BICD2: variants seen among roughly 807,000 people sequenced by gnomAD.
The protein encoded by BICD2 is protein bicaudal D homolog 2.
A neutral mutation model predicts 72.9 loss-of-function variants in BICD2; 25 were observed. That is an observed-to-expected ratio of 0.34 (90% CI 0.25 to 0.48). The LOEUF (loss-of-function observed/expected upper bound fraction) is 0.48, where lower values mean the gene tolerates loss of function less well. BICD2 is among the 20% of genes least tolerant of loss of function. The pLI is 0.99. For synonymous variants in BICD2, 501 were observed against 516.1 expected, an observed-to-expected ratio of 0.97 and a Z score of 0.40; for missense variants, 894 against 1,175.2, an observed-to-expected ratio of 0.76 and a Z score of 3.50.
chr9:92,747,867 G>A (rs941324384), intron 1 of BICD2, among the ~76,000 whole-genome samples: 2 of 152,212 alleles, frequency 1.3e-5, no homozygotes, highest in African/African-American at 4.8e-5. Flanking sequence ...ATGAATGGAA[G>A]ACAGACAGGG....
intron 6 of BICD2, among the ~76,000 whole-genome samples, chr9:92,716,249 C>T (rs1308600468): frequency 6.6e-6 from 1 of 152,208 alleles, no homozygotes; most frequent in Non-Finnish European, 1.5e-5. Context: ...AAGGACTCTG[C>T]TGCCCACCCT....
Position 92,718,809 on chromosome 9 carries a change from T to G in BICD2, c.1836A>C (p.Ser612=). The G allele has an allele frequency of 6.2e-7, 1 of 1,613,380 alleles. No homozygotes were observed. Among genetic ancestry groups the G allele is most frequent in the South Asian group, 1.1e-5 (1 of 91,082 alleles). ...TGDSSPSPGS[S]LPSPLSDPRR... is the part of the protein sequence containing the mutation. Reference sequence around the variant, plus strand: ...GTGGGTCACTCAGGGGTGATGGCAGTGAGGAGCCAGGCGAGGGGCTGCTGT... The same window carrying G: ...GTGGGTCACTCAGGGGTGATGGCAGGGAGGAGCCAGGCGAGGGGCTGCTGT... Residue 612 remains serine (S), a synonymous_variant, in exon 5 of 7, where the codon TCA becomes TCC. Transcript: ENST00000356884.
intron 2 of BICD2, among the ~76,000 whole-genome samples, chr9:92,723,142 G>A (rs541426544): frequency 3.3e-5 from 5 of 152,238 alleles, no homozygotes; most frequent in African/African-American, 7.2e-5. Flanking sequence ...ACAGTAGTGC[G>A]CAGGTGGGCA....
At chr9:92,759,728 C>T (rs978766507) in intron 1 of BICD2, among the ~76,000 whole-genome samples, 20 of 152,356 alleles carry the variant, frequency 1.3e-4, no homozygotes, top group Non-Finnish European at 2.4e-4. Context: ...GCCCTGGCCA[C>T]CAGCCACCAC....
At chr9:92,747,549 A>G (rs1475446896) in intron 1 of BICD2, among the ~76,000 whole-genome samples, 3 of 152,106 alleles carry the variant, frequency 2.0e-5, no homozygotes, top group Non-Finnish European at 4.4e-5. Flanking sequence ...CAGGATGGAA[A>G]AGTCCAGCAG....
At chr9:92,729,264 G>A (rs1320517665) in intron 1 of BICD2, 28 bp from the exon 2 acceptor site, 4 of 1,611,576 alleles carry the variant, frequency 2.5e-6, no homozygotes, top group Non-Finnish European at 3.4e-6. Context: ...ACACTCGTGA[G>A]GTGGGCCTCC....
chr9:92,764,579 G>A lies in BICD2; in HGVS notation c.166C>T (p.Gln56Ter). ...AGCTCCTCGAACTGCAGCTTGAGCT[G>A]GTGCTTCTCCTCGAGCACCGCCAGC... Reference protein sequence around the residue: ...YGLAVLEEKHQLKLQFEELEV... With the variant: ...YGLAVLEEKH Residue 56 changes from glutamine (Q) to a stop codon, truncating the protein, a stop_gained, in exon 1 of 7, where the codon CAG (glutamine) becomes TAG (stop). Coordinates refer to ENST00000356884, the MANE Select transcript of BICD2 (RefSeq NM_001003800.2). LOFTEE classifies it high-confidence loss of function. This position sits in a 1 kb window ranked among gnomAD's most constrained non-coding sequence, Gnocchi z 5.5. 2 of 1,570,744 alleles carry A rather than the reference G, an allele frequency of 1.3e-6. No individual in the cohort carries two copies. The highest frequency in any genetic ancestry group is 1.7e-6 in the Non-Finnish European group (2 of 1,158,954).
At chr9:92,761,992 G>C (rs72758525) in intron 1 of BICD2, among the ~76,000 whole-genome samples, 6,048 of 152,194 alleles carry the variant, frequency 0.04, 182 homozygotes, top group South Asian at 0.12. Context: ...ATCACCACAA[G>C]ACCCTCCTCA....
Position 92,718,453 on chromosome 9 carries a change from C to T in BICD2, c.2106+86G>A, listed in dbSNP as rs188053727. The T allele has an allele frequency of 6.3e-4, 949 of 1,499,532 alleles. 6 individuals carry two copies. In the African/African-American group the frequency reaches 0.011, roughly 17 times the overall value. 92.9% of individuals were successfully genotyped at this position (1,499,532 alleles called of 1,614,324 possible). A position where few individuals can be genotyped will look rare whatever the true frequency, so the allele number is the denominator to read the frequency against. On this transcript the variant is annotated intron_variant, in intron 5 of 6. Coordinates refer to ENST00000356884, the MANE Select transcript of BICD2 (RefSeq NM_001003800.2). ...TGGTGACGCAGGCCTGGGGGGGCCCCGTGGCAGGGGGAGGAAGGAGGCCAA... is the reference window on the plus strand; with the variant it reads ...TGGTGACGCAGGCCTGGGGGGGCCCTGTGGCAGGGGGAGGAAGGAGGCCAA...
intron 1 of BICD2, among the ~76,000 whole-genome samples, chr9:92,738,963 T>C (rs1239208827): frequency 6.6e-6 from 1 of 152,138 alleles, no homozygotes; most frequent in African/African-American, 2.4e-5. Flanking sequence ...CACTTGTCCC[T>C]GAAGGGCCAT....
intron 1 of BICD2, among the ~76,000 whole-genome samples, chr9:92,733,076 A>G (rs545004582): frequency 2.1e-4 from 32 of 152,362 alleles, no homozygotes; most frequent in Admixed American, 1.9e-3. Context: ...AACGTGAGAG[A>G]ACTCACAATT....
Position 92,722,479 on chromosome 9 carries a change from G to C in BICD2, c.606+177C>G, listed in dbSNP as rs374764617. Among the ~76,000 whole-genome samples, 4 of 152,268 alleles carry C rather than the reference G, an allele frequency of 2.6e-5. No individual in the cohort carries two copies. In the East Asian group the frequency reaches 7.7e-4, roughly 29 times the overall value. ...ACTGCAGCCAGAGTTTCATCTTTTG[G>C]AGAGTCTGGGTCCCACCAAGTATAC... On this transcript the variant is annotated intron_variant, in intron 3 of 6. Transcript: ENST00000356884.
At position 92,714,468 on chromosome 9, in the gene BICD2, T is replaced by G; in HGVS notation, c.*686A>C. 1 of 985,482 alleles carries G rather than the reference T, an allele frequency of 1.0e-6. No individual in the cohort carries two copies. Among genetic ancestry groups the G allele is most frequent in the Non-Finnish European group, 1.2e-6 (1 of 829,958 alleles). The allele number at this position is 985,482 out of a possible 1,614,324, so 61.0% of individuals were successfully genotyped here. On this transcript the variant is annotated 3_prime_UTR_variant, in exon 7 of 7. Coordinates refer to ENST00000356884, the MANE Select transcript of BICD2 (RefSeq NM_001003800.2). ...AGGCCACTATACAAGCATCCTGATC[T>G]CAGAAATGAGAAACCGAGCTCTGGA...
At chr9:92,716,494 G>A (rs959352748) in intron 6 of BICD2, among the ~76,000 whole-genome samples, 2 of 151,432 alleles carry the variant, frequency 1.3e-5, no homozygotes, top group East Asian at 4.0e-4. Flanking sequence ...AACTGGGAGT[G>A]CACGGCACCA....
Position 92,714,691 on chromosome 9 carries a change from G to A in BICD2, c.*463C>T. 3.0e-6 allele frequency: 3 copies of A among 990,556 alleles called. No individual in the cohort carries two copies. Among genetic ancestry groups the A allele is most frequent in the Non-Finnish European group, 3.6e-6 (3 of 833,734 alleles). The allele number at this position is 990,556 out of a possible 1,614,324, so 61.4% of individuals were successfully genotyped here. A position where few individuals can be genotyped will look rare whatever the true frequency, so the allele number is the denominator to read the frequency against. On this transcript the variant is annotated 3_prime_UTR_variant, in exon 7 of 7. Coordinates refer to ENST00000356884, the MANE Select transcript of BICD2 (RefSeq NM_001003800.2). Reference sequence around the variant, plus strand: ...GCCAAGTGCAAAGCCATCCTCTGAGGTCGTACCTATGCTGCAGGCTGGAAC... The same window carrying A: ...GCCAAGTGCAAAGCCATCCTCTGAGATCGTACCTATGCTGCAGGCTGGAAC...
At chr9:92,721,596 C>T (rs773849219) in intron 3 of BICD2, among the ~76,000 whole-genome samples, 4 of 152,192 alleles carry the variant, frequency 2.6e-5, no homozygotes, top group Non-Finnish European at 5.9e-5. Context: ...GGTCTTGGGT[C>T]GGAAGGGACA....
intron 1 of BICD2, among the ~76,000 whole-genome samples, chr9:92,752,082 G>C (rs1854162244): frequency 6.6e-6 from 1 of 152,176 alleles, no homozygotes; most frequent in Admixed American, 6.5e-5. Flanking sequence ...TGGGATTACA[G>C]GCATGAGCCA....
chr9:92,757,597 G>A (rs529474413), intron 1 of BICD2, among the ~76,000 whole-genome samples: 1 of 133,148 alleles, frequency 7.5e-6, no homozygotes, highest in East Asian at 2.8e-4. Context: ...GCGGGGGGGC[G>A]GGGGGGAGCT....
rs763889402 is a variant in BICD2, at chr9:92,715,133, G to A, written c.*21C>T. 60 of 1,546,544 alleles carry A rather than the reference G, an allele frequency of 3.9e-5. No individual in the cohort carries two copies. In the East Asian group the frequency reaches 1.1e-3, roughly 29 times the overall value. On this transcript the variant is annotated 3_prime_UTR_variant, in exon 7 of 7. Coordinates refer to ENST00000356884, the MANE Select transcript of BICD2 (RefSeq NM_001003800.2). ...TGAGGTGAAGCAGATGTTAGCTGCA[G>A]CGTGCGGCGCCCCACAGCCCCTAAT...
Sources: allele counts gnomAD v4.1 joint callset (sites outside exome capture counted in the v4.1 genomes callset), GRCh38; gene constraint gnomAD v4.1.1; non-coding constraint Gnocchi (gnomAD v3.1); transcripts MANE v1.5; gene names NCBI Gene and HGNC (gene_info 2026-07-23, HGNC 2026-07-21).